PHF11: variants seen among roughly 807,000 people sequenced by gnomAD.
The protein encoded by PHF11 is BRCA1 C-terminus-associated protein.
In PHF11, 38 loss-of-function variants were observed where a neutral mutation model predicts 40.5. The observed-to-expected ratio is 0.94, with a 90% CI of 0.72 to 1.23. The LOEUF (loss-of-function observed/expected upper bound fraction) is 1.23. Ranked by LOEUF, PHF11 falls within the 50% of genes most tolerant of loss-of-function variation. PHF11 has a pLI of 0.00. For synonymous variants in PHF11, 127 were observed against 138.2 expected (o/e 0.92, Z 0.57); for missense variants, 369 against 392.4 (o/e 0.94, Z 0.50).
At position 49,504,004 on chromosome 13, in the gene PHF11, G is replaced by A. The variant is rs557638025; in HGVS notation, c.95-2631G>A. On this transcript the variant is annotated intron_variant, in intron 1 of 9. Coordinates refer to ENST00000378319, the MANE Select transcript of PHF11 (RefSeq NM_001040443.3). The stretch of plus-strand genomic sequence containing the variant: ...CTCCCGAAGTTCTGGGATTATAGGC[G>A]TGAGCCACTAGGCCCAGCCTCCTTT... 7.2e-5 allele frequency among the ~76,000 whole-genome samples: 11 copies of A among 152,272 alleles called. 1 individual carries two copies. Among genetic ancestry groups the A allele is most frequent in the African/African-American group, 2.2e-4 (9 of 41,566 alleles).
In PHF11 at chr13:49,515,507, C is replaced by A. The variant is rs183150185; in HGVS notation, c.324+2341C>A. Among the ~76,000 whole-genome samples, 1,234 of 146,560 alleles carry A rather than the reference C, an allele frequency of 8.4e-3. 8 individuals are homozygous for A. The highest frequency in any genetic ancestry group is 0.014 in the Non-Finnish European group (907 of 66,720). Reference sequence around the variant, plus strand: ...ACACACACACACACACACACACATTCTCCATCTAAATCTGCTCATAAAAAC... The same window carrying A: ...ACACACACACACACACACACACATTATCCATCTAAATCTGCTCATAAAAAC... On this transcript the variant is annotated intron_variant, in intron 3 of 9. Transcript: ENST00000378319.
intron 5 of PHF11, 173 bp downstream of exon 5, chr13:49,521,113 T>C (rs948050881): frequency 7.7e-7 from 1 of 1,303,716 alleles, no homozygotes; most frequent in Non-Finnish European, 9.7e-7. Context: ...TATGACTGAC[T>C]AATTTTTTCT....
chr13:49,506,885 T>C, intron 2 of PHF11, 129 bp downstream of exon 2: 1 of 453,726 alleles, frequency 2.2e-6, no homozygotes, highest in Non-Finnish European at 3.8e-6. Context: ...TAGGTGAAGA[T>C]TGGGGAGCAT....
At chr13:49,522,806 C>G (rs1404304147) in intron 6 of PHF11, among the ~76,000 whole-genome samples, 1 of 141,246 alleles carries the variant, frequency 7.1e-6, no homozygotes, top group East Asian at 2.1e-4. Flanking sequence ...TCTCTGTCAC[C>G]CAGGATGGAG....
At chr13:49,511,767 T>C (rs1020966868) in intron 2 of PHF11, among the ~76,000 whole-genome samples, 1 of 152,224 alleles carries the variant, frequency 6.6e-6, no homozygotes, top group African/African-American at 2.4e-5. Flanking sequence ...TATTGATTTT[T>C]ATTTATTGGT....
intron 1 of PHF11, among the ~76,000 whole-genome samples, chr13:49,502,393 A>G (rs890351933): frequency 1.8e-4 from 27 of 152,242 alleles, no homozygotes; most frequent in African/African-American, 6.3e-4. Flanking sequence ...CAAGAGCAGA[A>G]ATCATAAAAT....
chr13:49,496,184 T>TG (rs1197212722), intron 1 of PHF11, 89 bp downstream of exon 1: 1 of 842,550 alleles, frequency 1.2e-6, no homozygotes, highest in Non-Finnish European at 1.6e-6. Flanking sequence ...CGTGGCCGCA[T>TG]GGGGGCCCGA....
At chr13:49,496,136 G>A in intron 1 of PHF11, 41 bp downstream of exon 1, 1 of 1,088,544 alleles carries the variant, frequency 9.2e-7, no homozygotes, top group Non-Finnish European at 1.2e-6. Context: ...GGCGGGGCTG[G>A]GCAGCGACGG....
intron 4 of PHF11, among the ~76,000 whole-genome samples, chr13:49,518,993 G>A (rs9596131): frequency 0.055 from 8,242 of 151,026 alleles, 314 homozygotes; most frequent in South Asian, 0.13. Context: ...CCGCTACCAC[G>A]CCCGGCTAAT....
chr13:49,511,099 C>A (rs1959075866), intron 2 of PHF11, among the ~76,000 whole-genome samples: 1 of 152,194 alleles, frequency 6.6e-6, no homozygotes, highest in Non-Finnish European at 1.5e-5. Context: ...GCTCAGCATA[C>A]TGTTTTAGAT....
rs185877773 is a variant in PHF11 at position 49,518,429 on chromosome 13, C to T, written c.458+278C>T. The T allele has an allele frequency of 5.2e-3, 898 of 174,002 alleles. 9 individuals carry two copies. The highest frequency in any genetic ancestry group is 0.019 in the African/African-American group (821 of 42,166). 10.8% of individuals were successfully genotyped at this position (174,002 alleles called of 1,614,324 possible). ...TGATTTTTGTGAGCTATGTTACATTCGTAAGATGATTTTTAAAAATTCCAT... is the reference window on the plus strand; with the variant it reads ...TGATTTTTGTGAGCTATGTTACATTTGTAAGATGATTTTTAAAAATTCCAT... On this transcript the variant is annotated intron_variant, in intron 4 of 9. Coordinates refer to ENST00000378319, the MANE Select transcript of PHF11 (RefSeq NM_001040443.3).
At position 49,528,763 on chromosome 13, in the gene PHF11, T is replaced by A; in HGVS notation, c.*98T>A. 1 of 816,682 alleles carries A rather than the reference T, an allele frequency of 1.2e-6. No homozygotes were observed. Among genetic ancestry groups the A allele is most frequent in the Non-Finnish European group, 1.9e-6 (1 of 513,900 alleles). 50.6% of individuals were successfully genotyped at this position (816,682 alleles called of 1,614,324 possible). ...ATCCACACATCTTTAGAACTAGTCGTCTCCTCTTGGCCTCAGCAGCTCTTC... is the reference window on the plus strand; with the variant it reads ...ATCCACACATCTTTAGAACTAGTCGACTCCTCTTGGCCTCAGCAGCTCTTC... On this transcript the variant is annotated 3_prime_UTR_variant, in exon 10 of 10. Coordinates refer to ENST00000378319, the MANE Select transcript of PHF11 (RefSeq NM_001040443.3).
In PHF11 at chr13:49,503,477, T is replaced by A. The variant is rs565223951; in HGVS notation, c.95-3158T>A. Among the ~76,000 whole-genome samples the A allele has an allele frequency of 1.5e-4, 23 of 152,216 alleles. 1 individual carries two copies. The highest frequency in any genetic ancestry group is 2.9e-4 in the Non-Finnish European group (20 of 68,040). The stretch of plus-strand genomic sequence containing the variant: ...AGACACCAGTTCTATCTCACCACAT[T>A]TCTTTACGTCCTCTGCTCTACTATT... On this transcript the variant is annotated intron_variant, in intron 1 of 9. Transcript: ENST00000378319.
At chr13:49,496,471 C>G (rs1958811690) in intron 1 of PHF11, 1 of 1,011,596 alleles carries the variant, frequency 9.9e-7, no homozygotes, top group Non-Finnish European at 1.2e-6. Flanking sequence ...AGTGGAGGGG[C>G]GCCCTGATGC....
chr13:49,512,168 G>T (rs1190301420), intron 2 of PHF11, among the ~76,000 whole-genome samples: 1 of 152,128 alleles, frequency 6.6e-6, no homozygotes. Flanking sequence ...GTGCTCATTT[G>T]CCATTCATAA....
chr13:49,498,718 A>T (rs1184008209), intron 1 of PHF11, among the ~76,000 whole-genome samples: 1 of 152,246 alleles, frequency 6.6e-6, no homozygotes. Context: ...CAGGGAAAAT[A>T]GAGACAAGGA....
chr13:49,526,087 T>G (rs758557732), intron 8 of PHF11: 5 of 353,052 alleles, frequency 1.4e-5, no homozygotes, highest in Non-Finnish European at 2.7e-5. Context: ...GAGAATCGCT[T>G]GAACCCAGGA....
chr13:49,527,053 A>AG (rs1959328867), intron 9 of PHF11, among the ~76,000 whole-genome samples: 2 of 91,190 alleles, frequency 2.2e-5, no homozygotes, highest in Non-Finnish European at 4.8e-5. Context: ...AAAGTTCATC[A>AG]GAAAAAAAAA....
Position 49,495,955 on chromosome 13 carries a change from T to C in PHF11, c.-47T>C. ...ACGAAACCTAGTGCAGCTGGGGCAC[T>C]TCCGGGATCTCGCTATCCGGCCGCC... On this transcript the variant is annotated 5_prime_UTR_variant, in exon 1 of 10. Coordinates refer to ENST00000378319, the MANE Select transcript of PHF11 (RefSeq NM_001040443.3). 7.7e-7 allele frequency: 1 copy of C among 1,294,942 alleles called. No homozygotes were observed. Among genetic ancestry groups the C allele is most frequent in the Non-Finnish European group, 1.1e-6 (1 of 945,686 alleles). 80.2% of individuals were successfully genotyped at this position (1,294,942 alleles called of 1,614,324 possible).
Sources: gnomAD v4.1 joint callset for allele counts (sites outside exome capture counted in the v4.1 genomes callset) on GRCh38, gnomAD v4.1.1 for gene constraint, MANE v1.5 for transcripts, NCBI Gene and HGNC (gene_info 2026-07-23, HGNC 2026-07-21) for gene names.